Variants in SNTG1 observed in about 807,000 individuals in gnomAD.
The protein encoded by SNTG1 is gamma-1-syntrophin.
SNTG1 carries 39 observed loss-of-function variants against 74.7 expected under a neutral mutation model. That is an observed-to-expected ratio of 0.52 (90% CI 0.40 to 0.68). SNTG1 has a LOEUF of 0.68. Among genes scored for constraint, SNTG1 ranks in the 30% least tolerant of loss-of-function variants. The probability of loss-of-function intolerance (pLI) is 0.00; values close to 1 mark genes in which losing one functional copy is unlikely to be tolerated. For synonymous variants in SNTG1, 254 were observed against 217.1 expected (o/e 1.17, Z -1.49); for missense variants, 685 against 609.5 (o/e 1.12, Z -1.30).
At chr8:50,142,723 T>C (rs1056720748) in intron 1 of SNTG1, among the ~76,000 whole-genome samples, 3 of 152,148 alleles carry the variant, frequency 2.0e-5, no homozygotes, top group African/African-American at 7.2e-5. Flanking sequence ...TTGATGGATG[T>C]ATTTCATCAT....
intron 8 of SNTG1, among the ~76,000 whole-genome samples, chr8:50,473,152 G>A (rs1310233985): frequency 1.3e-5 from 2 of 152,150 alleles, no homozygotes; most frequent in Non-Finnish European, 2.9e-5. Context: ...ACTGAATTAT[G>A]GGGGTGGTTT....
intron 12 of SNTG1, among the ~76,000 whole-genome samples, chr8:50,582,166 T>C (rs2130824633): frequency 6.6e-6 from 1 of 152,298 alleles, no homozygotes; most frequent in Admixed American, 6.5e-5. Context: ...GTTTGATTGC[T>C]TGTTTGTTTT....
At chr8:50,009,563 A>G (rs535562195) in intron 1 of SNTG1, among the ~76,000 whole-genome samples, 3 of 152,308 alleles carry the variant, frequency 2.0e-5, no homozygotes, top group South Asian at 4.1e-4. Context: ...AGTTCTTGTC[A>G]TAGCCATTGT....
At chr8:49,941,851 A>G (rs1241964829) in intron 1 of SNTG1, among the ~76,000 whole-genome samples, 3 of 152,220 alleles carry the variant, frequency 2.0e-5, no homozygotes, top group Non-Finnish European at 2.9e-5. Flanking sequence ...CGCTTTTACC[A>G]TTTTGTGTTT....
At chr8:50,354,154 G>A (rs1013821399) in intron 2 of SNTG1, among the ~76,000 whole-genome samples, 2 of 152,136 alleles carry the variant, frequency 1.3e-5, no homozygotes, top group African/African-American at 4.8e-5. Flanking sequence ...TCCTGCTGAT[G>A]GAAACCCCAG....
At chr8:50,502,093 A>T (rs1338648059) in intron 8 of SNTG1, among the ~76,000 whole-genome samples, 1 of 152,156 alleles carries the variant, frequency 6.6e-6, no homozygotes, top group African/African-American at 2.4e-5. Flanking sequence ...TAGACTTACT[A>T]ATTCTGTATT....
At chr8:50,649,808 T>C (rs1411173496) in intron 13 of SNTG1, among the ~76,000 whole-genome samples, 2 of 151,984 alleles carry the variant, frequency 1.3e-5, no homozygotes, top group African/African-American at 4.8e-5. Context: ...TATTTTTTAC[T>C]ATTAATTTAG....
chr8:50,170,175 G>C (rs1444074810), intron 1 of SNTG1, among the ~76,000 whole-genome samples: 1 of 152,082 alleles, frequency 6.6e-6, no homozygotes, highest in East Asian at 1.9e-4. Flanking sequence ...AGTGACGACA[G>C]CATGTTGTTC....
intron 17 of SNTG1, among the ~76,000 whole-genome samples, chr8:50,711,738 G>A (rs1049555275): frequency 6.6e-6 from 1 of 152,102 alleles, no homozygotes; most frequent in African/African-American, 2.4e-5. Flanking sequence ...ATAGCATTCT[G>A]TTCCCTATAC....
At chr8:50,349,709 T>A (rs1587257541) in intron 2 of SNTG1, among the ~76,000 whole-genome samples, 1 of 152,228 alleles carries the variant, frequency 6.6e-6, no homozygotes, top group East Asian at 1.9e-4. Context: ...GATTCTTTCA[T>A]AAGGCATGCC....
chr8:50,031,299 A>T (rs1280737845), intron 1 of SNTG1, among the ~76,000 whole-genome samples: 1 of 151,670 alleles, frequency 6.6e-6, no homozygotes, highest in Non-Finnish European at 1.5e-5. Flanking sequence ...GTTCTATTTT[A>T]TTTTTTCTTT....
At chr8:50,337,875 G>A (rs1039292332) in intron 2 of SNTG1, among the ~76,000 whole-genome samples, 30 of 152,290 alleles carry the variant, frequency 2.0e-4, no homozygotes, top group African/African-American at 7.0e-4. Context: ...AGTGGCTCAC[G>A]CCTGTAATCC....
chr8:50,430,011 A>T (rs535066509), intron 4 of SNTG1, among the ~76,000 whole-genome samples: 3 of 152,316 alleles, frequency 2.0e-5, no homozygotes, highest in Non-Finnish European at 4.4e-5. Context: ...TGATGAGAAT[A>T]TAAAGTGACA....
At chr8:50,069,757 T>C (rs950988252) in intron 1 of SNTG1, among the ~76,000 whole-genome samples, 4 of 151,520 alleles carry the variant, frequency 2.6e-5, no homozygotes, top group African/African-American at 7.3e-5. Context: ...GATCCCATGC[T>C]TCATTCCTGC....
chr8:50,429,562 A>G (rs185164137), intron 4 of SNTG1, among the ~76,000 whole-genome samples: 1 of 152,306 alleles, frequency 6.6e-6, no homozygotes, highest in Admixed American at 6.5e-5. Flanking sequence ...TAATTTTGAC[A>G]TTGGTTCAGG....
intron 12 of SNTG1, among the ~76,000 whole-genome samples, chr8:50,557,007 C>T (rs911562365): frequency 3.3e-5 from 5 of 152,268 alleles, no homozygotes; most frequent in Admixed American, 2.0e-4. Context: ...TCTCCCCTAC[C>T]CTGCACCCCA....
At chr8:49,994,256 C>T (rs1313340136) in intron 1 of SNTG1, among the ~76,000 whole-genome samples, 3 of 101,248 alleles carry the variant, frequency 3.0e-5, no homozygotes, top group Non-Finnish European at 6.1e-5. Flanking sequence ...TTTTATTCTT[C>T]TTTTTTTTTT....
At chr8:50,538,031 C>A (rs1215662059) in intron 11 of SNTG1, among the ~76,000 whole-genome samples, 1 of 152,054 alleles carries the variant, frequency 6.6e-6, no homozygotes, top group Admixed American at 6.6e-5. Flanking sequence ...TTAGCATTAC[C>A]TCTTGATTTA....
At chr8:50,221,966 T>C (rs1377287362) in intron 2 of SNTG1, among the ~76,000 whole-genome samples, 2 of 152,146 alleles carry the variant, frequency 1.3e-5, no homozygotes, top group East Asian at 1.9e-4. Flanking sequence ...GATAGTTTGG[T>C]AGGTAGGGTG....
Sources: allele counts gnomAD v4.1 joint callset (sites outside exome capture counted in the v4.1 genomes callset), GRCh38; gene constraint gnomAD v4.1.1; transcripts MANE v1.5; gene names NCBI Gene and HGNC (gene_info 2026-07-23, HGNC 2026-07-21).